Variants in WDR7 observed in about 807,000 individuals in gnomAD.
WDR7 encodes the protein WD repeat domain 7.
A neutral mutation model predicts 169.4 loss-of-function variants in WDR7; 46 were observed. The observed-to-expected ratio is 0.27, with a 90% CI of 0.21 to 0.35. WDR7 has a LOEUF of 0.35. Ranked by LOEUF, WDR7 falls within the 10% of genes least tolerant of loss-of-function variation. The probability of loss-of-function intolerance (pLI) is 1.00; values close to 1 mark genes in which losing one functional copy is unlikely to be tolerated. For synonymous variants in WDR7, 612 were observed against 666.8 expected, an observed-to-expected ratio of 0.92 and a Z score of 1.27; for missense variants, 1,534 against 1,859.3, an observed-to-expected ratio of 0.83 and a Z score of 3.22.
intron 16 of WDR7, among the ~76,000 whole-genome samples, chr18:56,770,039 A>G (rs1284517722): frequency 2.0e-5 from 3 of 152,238 alleles, no homozygotes; most frequent in African/African-American, 7.2e-5. Context: ...TGGCTGATAC[A>G]TAGAAGGAGC....
At chr18:57,002,685 T>C (rs1568308482) in intron 26 of WDR7, among the ~76,000 whole-genome samples, 4 of 152,226 alleles carry the variant, frequency 2.6e-5, no homozygotes, top group Non-Finnish European at 5.9e-5. Flanking sequence ...TCTGTAACAC[T>C]TGAATGGCTG....
intron 21 of WDR7, among the ~76,000 whole-genome samples, chr18:56,919,766 C>G (rs1018591474): frequency 6.6e-6 from 1 of 152,070 alleles, no homozygotes; most frequent in African/African-American, 2.4e-5. Flanking sequence ...TTCTAAAGGT[C>G]TTTCCATTCA....
chr18:56,932,720 C>T (rs2145677796), intron 22 of WDR7, among the ~76,000 whole-genome samples: 1 of 152,254 alleles, frequency 6.6e-6, no homozygotes. Context: ...ACCCATTTTA[C>T]AGATGATGTA....
In WDR7 at chr18:57,020,865, C is replaced by T. The variant is rs116373217; in HGVS notation, c.4269+16C>T. ...TTTTTGGCAGGTAAGAGTAGATGCT[C>T]CAGGGTCTTAAAGCATATACTGCGT... On this transcript the variant is annotated intron_variant, in intron 27 of 27. Transcript: ENST00000254442. The T allele has an allele frequency of 5.1e-4, 824 of 1,611,090 alleles. 4 individuals are homozygous for T. In the African/African-American group the frequency reaches 8.1e-3, roughly 16 times the overall value.
chr18:56,880,360 G>A (rs939083067), intron 21 of WDR7, among the ~76,000 whole-genome samples, 195 bp downstream of exon 21: 17 of 152,110 alleles, frequency 1.1e-4, no homozygotes, highest in Admixed American at 6.5e-4. Flanking sequence ...TTAAAACATC[G>A]TCTTTTAAAT....
Position 56,672,722 on chromosome 18 carries a change from T to C in WDR7, c.159+48T>C, listed in dbSNP as rs745412727. ...ATACATTTTAGATATAAAAATCTACTTATTAGAAGATAATATAGTCCCCAA... is the reference window on the plus strand; with the variant it reads ...ATACATTTTAGATATAAAAATCTACCTATTAGAAGATAATATAGTCCCCAA... On this transcript the variant is annotated intron_variant, in intron 2 of 27. Transcript: ENST00000254442. 7.3e-6 allele frequency: 11 copies of C among 1,497,124 alleles called. 1 individual carries two copies. In the South Asian group the frequency reaches 1.5e-4, roughly 21 times the overall value. 92.7% of individuals were successfully genotyped at this position (1,497,124 alleles called of 1,614,324 possible).
At chr18:56,897,003 G>T (rs971686793) in intron 21 of WDR7, among the ~76,000 whole-genome samples, 5 of 151,722 alleles carry the variant, frequency 3.3e-5, no homozygotes, top group African/African-American at 9.7e-5. Flanking sequence ...AATGGATAAA[G>T]GTTGAAAAAG....
intron 16 of WDR7, among the ~76,000 whole-genome samples, chr18:56,761,719 T>C (rs1357297865): frequency 2.0e-5 from 3 of 151,822 alleles, no homozygotes; most frequent in Non-Finnish European, 4.4e-5. Flanking sequence ...ATATAACATA[T>C]ATATCTAAAT....
intron 12 of WDR7, among the ~76,000 whole-genome samples, chr18:56,708,408 G>A (rs1391249894): frequency 6.6e-6 from 1 of 152,138 alleles, no homozygotes; most frequent in African/African-American, 2.4e-5. Flanking sequence ...ATTAAAAATC[G>A]CTTGGTCAGA....
At chr18:56,807,147 C>CAAAA (rs566956902) in intron 19 of WDR7, among the ~76,000 whole-genome samples, 9 of 84,192 alleles carry the variant, frequency 1.1e-4, no homozygotes, top group African/African-American at 3.2e-4. Flanking sequence ...TGATCCTAGC[C>CAAAA]AAAAAAAAAA....
At chr18:56,814,519 G>A (rs2145209236) in intron 19 of WDR7, among the ~76,000 whole-genome samples, 1 of 151,736 alleles carries the variant, frequency 6.6e-6, no homozygotes, top group African/African-American at 2.4e-5. Context: ...TATTTTTCTA[G>A]TACATCCCCT....
intron 20 of WDR7, chr18:56,872,814 C>A (rs770930504): frequency 2.6e-5 from 4 of 152,056 alleles, no homozygotes. Flanking sequence ...AAAAAAAATA[C>A]CAAATTTTCA....
chr18:56,909,806 A>G (rs891955512), intron 21 of WDR7, among the ~76,000 whole-genome samples: 20 of 152,162 alleles, frequency 1.3e-4, no homozygotes, highest in African/African-American at 3.4e-4. Flanking sequence ...AGCTAATGAA[A>G]ACTAAGCCAT....
chr18:56,996,861 T>A (rs768038197), intron 26 of WDR7, among the ~76,000 whole-genome samples: 1 of 152,196 alleles, frequency 6.6e-6, no homozygotes, highest in Admixed American at 6.5e-5. Flanking sequence ...ATATAGCACT[T>A]AAACTTATTT....
At chr18:56,863,949 C>T (rs763159172) in intron 20 of WDR7, among the ~76,000 whole-genome samples, 42 of 151,792 alleles carry the variant, frequency 2.8e-4, no homozygotes, top group Non-Finnish European at 4.4e-4. Flanking sequence ...GACAACTTGA[C>T]ATTAAAATGA....
chr18:56,781,677 C>T (rs2044320464), intron 19 of WDR7, 21 bp downstream of exon 19: 1 of 1,554,988 alleles, frequency 6.4e-7, no homozygotes, highest in Non-Finnish European at 8.7e-7. Flanking sequence ...TCATGCTTCT[C>T]TACAAAGCTT....
chr18:56,912,035 T>C (rs1286039932), intron 21 of WDR7, among the ~76,000 whole-genome samples: 1 of 152,188 alleles, frequency 6.6e-6, no homozygotes, highest in African/African-American at 2.4e-5. Flanking sequence ...ATTGACACCA[T>C]CAGAACCCTG....
rs912786242 is a variant in WDR7, at chr18:56,754,550, G to A, written c.1990-2033G>A. Among the ~76,000 whole-genome samples, 22 of 152,084 alleles carry A rather than the reference G, an allele frequency of 1.4e-4. No homozygotes were observed. In the South Asian group the frequency reaches 1.7e-3, roughly 11 times the overall value. On this transcript the variant is annotated intron_variant, in intron 14 of 27. Transcript: ENST00000254442. Reference sequence around the variant, plus strand: ...GGTGTGTGTGTGTATGTGTGCACGCGTGTGCGTGTACGTGTGGATGAGTGT... The same window carrying A: ...GGTGTGTGTGTGTATGTGTGCACGCATGTGCGTGTACGTGTGGATGAGTGT...
At chr18:56,811,259 TG>T (rs780994152) in intron 19 of WDR7, among the ~76,000 whole-genome samples, 5 of 152,100 alleles carry the variant, frequency 3.3e-5, no homozygotes, top group East Asian at 3.9e-4. Flanking sequence ...TGCTTTTGTG[TG>T]GACATATGTT....
Sources: allele counts gnomAD v4.1 joint callset (sites outside exome capture counted in the v4.1 genomes callset), GRCh38; gene constraint gnomAD v4.1.1; transcripts MANE v1.5; gene names NCBI Gene and HGNC (gene_info 2026-07-23, HGNC 2026-07-21).